THSD7B: variants seen among roughly 807,000 people sequenced by gnomAD.
The protein encoded by THSD7B is thrombospondin type 1 domain containing 7B, also known as thrombospondin type-1 domain-containing protein 7B.
In THSD7B, 138 loss-of-function variants were observed where a neutral mutation model predicts 213.6. The observed-to-expected ratio is 0.65, with a 90% CI of 0.56 to 0.74. The LOEUF (loss-of-function observed/expected upper bound fraction) is 0.74, where lower values mean the gene tolerates loss of function less well. Among genes scored for constraint, THSD7B ranks in the 30% least tolerant of loss-of-function variants. THSD7B has a pLI of 0.00. For missense variants in THSD7B, 1,931 were observed against 1,991.5 expected, an observed-to-expected ratio of 0.97 and a Z score of 0.58; for synonymous variants, 742 against 687.0, an observed-to-expected ratio of 1.08 and a Z score of -1.25.
At chr2:136,767,548 T>A (rs1469140699) in intron 1 of THSD7B, among the ~76,000 whole-genome samples, 2 of 152,070 alleles carry the variant, frequency 1.3e-5, no homozygotes, top group South Asian at 2.1e-4. Context: ...AAACTCTTTT[T>A]CATGCAAATT....
chr2:137,290,853 C>T (rs1683319124), intron 12 of THSD7B, among the ~76,000 whole-genome samples: 1 of 152,120 alleles, frequency 6.6e-6, no homozygotes, highest in Non-Finnish European at 1.5e-5. Context: ...CATGAGGACT[C>T]TCCAGCCTAT....
intron 15 of THSD7B, among the ~76,000 whole-genome samples, chr2:137,501,923 G>T (rs62168009): frequency 6.6e-6 from 1 of 152,256 alleles, no homozygotes; most frequent in Non-Finnish European, 1.5e-5. Flanking sequence ...TGCTTTATCC[G>T]CTGTGATCTG....
chr2:136,883,524 G>A (rs1415520398), intron 2 of THSD7B, among the ~76,000 whole-genome samples: 1 of 152,006 alleles, frequency 6.6e-6, no homozygotes, highest in Non-Finnish European at 1.5e-5. Context: ...TCCTTTCTGG[G>A]AATGGGGTTA....
chr2:137,286,448 C>T (rs181880624), intron 12 of THSD7B, among the ~76,000 whole-genome samples: 55 of 152,248 alleles, frequency 3.6e-4, no homozygotes, highest in African/African-American at 1.2e-3. Context: ...CTTTCTGATG[C>T]CAGGTATCCT....
At chr2:137,620,533 T>TCA (rs1682498895) in intron 19 of THSD7B, 76 bp from the exon 20 acceptor site, 2 of 1,126,738 alleles carry the variant, frequency 1.8e-6, no homozygotes, top group Admixed American at 3.6e-5. Flanking sequence ...TAAAGGAAAG[T>TCA]CTTTCCCATG....
intron 15 of THSD7B, among the ~76,000 whole-genome samples, chr2:137,559,398 G>A (rs1681058024): frequency 6.6e-6 from 1 of 152,118 alleles, no homozygotes; most frequent in Non-Finnish European, 1.5e-5. Flanking sequence ...AGAGCCCTCA[G>A]AGATAATACC....
chr2:137,505,261 G>A (rs1198218713), intron 15 of THSD7B, among the ~76,000 whole-genome samples: 2 of 152,204 alleles, frequency 1.3e-5, no homozygotes, highest in African/African-American at 4.8e-5. Context: ...AAGATGATAT[G>A]CTTTAATATG....
intron 7 of THSD7B, among the ~76,000 whole-genome samples, chr2:137,197,498 G>C (rs1443521742): frequency 6.6e-6 from 1 of 152,092 alleles, no homozygotes; most frequent in African/African-American, 2.4e-5. Context: ...CAAAAGATAT[G>C]TCGATTACAA....
rs566007828 is a variant in THSD7B at position 137,671,299 on chromosome 2, A to G, written c.4739+3438A>G. 3.0e-4 allele frequency among the ~76,000 whole-genome samples: 45 copies of G among 152,042 alleles called. No homozygotes were observed. In the South Asian group the frequency reaches 4.8e-3, roughly 16 times the overall value. On this transcript the variant is annotated intron_variant, in intron 27 of 27. Coordinates refer to ENST00000409968, the MANE Select transcript of THSD7B (RefSeq NM_001316349.2). ...AACAAATGTAGCCCCTCATTATGTA[A>G]AAGATTTTATAGTCATTGAATAAAA... is the stretch of plus-strand genomic sequence containing the variant.
At chr2:137,664,598 A>G (rs144966219) in intron 26 of THSD7B, among the ~76,000 whole-genome samples, 2 of 152,338 alleles carry the variant, frequency 1.3e-5, no homozygotes, top group African/African-American at 2.4e-5. Flanking sequence ...GTCTCATTAC[A>G]TTCTTGCAAC....
At chr2:137,313,626 A>G (rs1444688841) in intron 12 of THSD7B, among the ~76,000 whole-genome samples, 7 of 151,534 alleles carry the variant, frequency 4.6e-5, no homozygotes, top group African/African-American at 1.2e-4. Flanking sequence ...TTTTGGCATG[A>G]TTTTGCAGTG....
intron 15 of THSD7B, among the ~76,000 whole-genome samples, chr2:137,495,265 A>G (rs1376006960): frequency 6.6e-6 from 1 of 152,158 alleles, no homozygotes; most frequent in Non-Finnish European, 1.5e-5. Context: ...AATATTTCCT[A>G]TAGCCTGACA....
chr2:137,145,988 T>C (rs1679694142), intron 5 of THSD7B, among the ~76,000 whole-genome samples: 1 of 152,100 alleles, frequency 6.6e-6, no homozygotes, highest in African/African-American at 2.4e-5. Context: ...ATGTAAATAA[T>C]TGTCTCCATT....
chr2:137,190,276 C>A (rs1680631368), intron 7 of THSD7B, among the ~76,000 whole-genome samples: 1 of 152,112 alleles, frequency 6.6e-6, no homozygotes, highest in Non-Finnish European at 1.5e-5. Context: ...TGTGCTATTC[C>A]AAATCTAGGA....
intron 5 of THSD7B, among the ~76,000 whole-genome samples, chr2:137,137,908 CT>C (rs35195832): frequency 0.68 from 102,436 of 151,486 alleles, 36,402 homozygotes; most frequent in Non-Finnish European, 0.78. Flanking sequence ...AATGAATATT[CT>C]TTTTTTTGAA....
intron 6 of THSD7B, among the ~76,000 whole-genome samples, chr2:137,163,166 T>A (rs759204301): frequency 1.6e-4 from 24 of 152,164 alleles, no homozygotes; most frequent in Non-Finnish European, 8.8e-5. Context: ...TTATCCTCAT[T>A]GGCCTCTATT....
At chr2:136,837,976 G>A (rs564284666) in intron 1 of THSD7B, among the ~76,000 whole-genome samples, 53 of 152,250 alleles carry the variant, frequency 3.5e-4, no homozygotes, top group African/African-American at 1.0e-3. Flanking sequence ...TACTAACTTT[G>A]TGATTTTTGG....
At chr2:136,795,980 C>A (rs1202872544) in intron 1 of THSD7B, among the ~76,000 whole-genome samples, 1 of 151,864 alleles carries the variant, frequency 6.6e-6, no homozygotes, top group East Asian at 1.9e-4. Context: ...GGTTATCAGC[C>A]TCATTTGCAT....
intron 17 of THSD7B, 145 bp downstream of exon 17, chr2:137,572,701 G>GA: frequency 9.7e-7 from 1 of 1,027,810 alleles, no homozygotes; most frequent in Non-Finnish European, 1.3e-6. Flanking sequence ...TCCAAAGAAA[G>GA]AAAAAAAGAA....
Sources: gnomAD v4.1 joint callset for allele counts (sites outside exome capture counted in the v4.1 genomes callset) on GRCh38, gnomAD v4.1.1 for gene constraint, MANE v1.5 for transcripts, NCBI Gene and HGNC (gene_info 2026-07-23, HGNC 2026-07-21) for gene names.